The following ADAD1 variants were observed in gnomAD, a reference collection of about 807,000 sequenced individuals.
ADAD1 encodes the protein adenosine deaminase domain-containing protein 1.
A neutral mutation model predicts 66.8 loss-of-function variants in ADAD1; 46 were observed. That is an observed-to-expected ratio of 0.69 (90% CI 0.54 to 0.88). ADAD1 has a LOEUF of 0.88. Among genes scored for constraint, ADAD1 ranks in the 40% least tolerant of loss-of-function variants. The pLI, the probability that ADAD1 is intolerant of heterozygous loss-of-function variation, is 0.00. For missense variants in ADAD1, 617 were observed against 681.8 expected (o/e 0.91, Z 1.06); for synonymous variants, 248 against 229.4 (o/e 1.08, Z -0.73).
intron 10 of ADAD1, among the ~76,000 whole-genome samples, chr4:122,414,427 A>G (rs1397112302): frequency 6.6e-6 from 1 of 151,840 alleles, no homozygotes; most frequent in Non-Finnish European, 1.5e-5. Flanking sequence ...GTGCCCAAGT[A>G]TATTTTTATT....
intron 9 of ADAD1, 65 bp from the exon 10 acceptor site, chr4:122,412,515 T>TA: frequency 7.6e-7 from 1 of 1,315,586 alleles, no homozygotes; most frequent in Non-Finnish European, 1.1e-6. Flanking sequence ...AGCTGTTAGG[T>TA]ACAGGTAGAT....
At chr4:122,396,145 G>A in intron 6 of ADAD1, 107 bp from the exon 7 acceptor site, 4 of 967,950 alleles carry the variant, frequency 4.1e-6, no homozygotes, top group East Asian at 6.7e-5. Context: ...GCTTACAGAT[G>A]TCTATATATT....
At position 122,412,358 on chromosome 4, in the gene ADAD1, ATC is replaced by A. The variant is rs1188770986; in HGVS notation, c.1020-218_1020-217del. Among the ~76,000 whole-genome samples, 13 of 152,264 alleles carry A rather than the reference ATC, an allele frequency of 8.5e-5. 1 individual carries two copies. The highest frequency in any genetic ancestry group is 1.5e-5 in the Non-Finnish European group (1 of 68,000). The stretch of plus-strand genomic sequence containing the variant: ...ATAAAGTGGTGATAATATGAAAAAT[ATC>A]TCTGTTGGAAGCTCTAGATGTGGTT... On this transcript the variant is annotated intron_variant, in intron 9 of 12. Transcript: ENST00000296513.
chr4:122,392,829 G>A (rs1795514959), intron 5 of ADAD1, among the ~76,000 whole-genome samples: 1 of 152,150 alleles, frequency 6.6e-6, no homozygotes. Context: ...CAGCGTCTAT[G>A]TATCTAAACC....
rs1796283409 is a variant in ADAD1 at position 122,407,765 on chromosome 4, CTTATT to C, written c.725-139_725-135del. ...TTGCTTCTTAGAAGACTCTAAGACT[CTTATT>C]TTAAATTGTGGAATTATTTTTTCAT... is the stretch of plus-strand genomic sequence containing the variant. On this transcript the variant is annotated intron_variant, in intron 7 of 12. Transcript: ENST00000296513. 1.4e-5 allele frequency: 13 copies of C among 949,736 alleles called. No homozygotes were observed. The East Asian group carries it at 2.8e-4, about 20-fold the overall frequency. 58.8% of individuals were successfully genotyped at this position (949,736 alleles called of 1,614,324 possible). A position where few individuals can be genotyped will look rare whatever the true frequency, so the allele number is the denominator to read the frequency against.
At chr4:122,427,069 T>C (rs1797273496) in intron 12 of ADAD1, among the ~76,000 whole-genome samples, 1 of 152,222 alleles carries the variant, frequency 6.6e-6, no homozygotes, top group Admixed American at 6.5e-5. Context: ...TGTATCATCT[T>C]GTAGGTAAAA....
chr4:122,422,504 A>G (rs1797048093), intron 12 of ADAD1, among the ~76,000 whole-genome samples: 1 of 152,238 alleles, frequency 6.6e-6, no homozygotes, highest in East Asian at 1.9e-4. Context: ...ATAATGATAC[A>G]GCATTATATG....
Position 122,395,567 on chromosome 4 carries a change from A to G in ADAD1, c.599-685A>G, listed in dbSNP as rs111692778. Among the ~76,000 whole-genome samples, 664 of 151,880 alleles carry G rather than the reference A, an allele frequency of 4.4e-3. 5 individuals are homozygous for G. Among genetic ancestry groups the G allele is most frequent in the African/African-American group, 0.015 (625 of 41,452 alleles). ...ATGGTGGCGCACGCTTGTAGTCCCA[A>G]CTACTTGGGAGGCTGAGACAGAAGA... On this transcript the variant is annotated intron_variant, in intron 6 of 12. Transcript: ENST00000296513.
At position 122,381,161 on chromosome 4, in the gene ADAD1, TAAGG is replaced by T. The variant is rs1313576755; in HGVS notation, c.345_348del (p.Glu116LeufsTer2). 1 of 1,561,680 alleles carries T rather than the reference TAAGG, an allele frequency of 6.4e-7. No homozygotes were observed. Among genetic ancestry groups the T allele is most frequent in the Non-Finnish European group, 8.6e-7 (1 of 1,165,490 alleles). ...AAATGCAGCGAGTTCAGCTTGACCTTAAGGAAACTGTGACAACAGGCAAGTGTAA... is the reference window on the plus strand; with the variant it reads ...AAATGCAGCGAGTTCAGCTTGACCTTAAACTGTGACAACAGGCAAGTGTAA... On this transcript the variant is annotated frameshift_variant, in exon 4 of 13. Transcript: ENST00000296513. LOFTEE classifies it high-confidence loss of function.
In ADAD1 at chr4:122,407,889, G is replaced by A. The variant is rs777778746; in HGVS notation, c.725-19G>A. ...AGAGAGGTTAAATTAACCTGCTACTGTCTACCTTTTTCTTTCAGCTGGACA... is the reference window on the plus strand; with the variant it reads ...AGAGAGGTTAAATTAACCTGCTACTATCTACCTTTTTCTTTCAGCTGGACA... On this transcript the variant is annotated intron_variant, in intron 7 of 12. Transcript: ENST00000296513. 1.5e-5 allele frequency: 24 copies of A among 1,610,952 alleles called. No homozygotes were observed. Among genetic ancestry groups the A allele is most frequent in the Non-Finnish European group, 2.0e-5 (23 of 1,178,298 alleles).
At chr4:122,428,964 T>C (rs1198687712) in intron 12 of ADAD1, among the ~76,000 whole-genome samples, 1 of 152,154 alleles carries the variant, frequency 6.6e-6, no homozygotes, top group Non-Finnish European at 1.5e-5. Flanking sequence ...TTATAAAAAA[T>C]GAAAATTCGC....
intron 7 of ADAD1, among the ~76,000 whole-genome samples, chr4:122,396,975 G>A (rs893485034): frequency 1.3e-5 from 2 of 152,146 alleles, no homozygotes; most frequent in Non-Finnish European, 2.9e-5. Context: ...CAAAAAGTGT[G>A]TGAGAATTCA....
intron 10 of ADAD1, among the ~76,000 whole-genome samples, chr4:122,413,447 T>C (rs1244675300): frequency 2.0e-5 from 3 of 152,144 alleles, no homozygotes; most frequent in Non-Finnish European, 4.4e-5. Context: ...ATTCTCTTTC[T>C]TGACTATTAA....
At chr4:122,389,132 T>A (rs1214144619) in intron 5 of ADAD1, among the ~76,000 whole-genome samples, 1 of 152,154 alleles carries the variant, frequency 6.6e-6, no homozygotes, top group Non-Finnish European at 1.5e-5. Context: ...TACCCAGGAG[T>A]CATTCAGGAA....
chr4:122,387,363 G>T (rs539347026), intron 5 of ADAD1, among the ~76,000 whole-genome samples: 142 of 152,242 alleles, frequency 9.3e-4, no homozygotes, highest in Non-Finnish European at 1.7e-3. Flanking sequence ...GTAAAGGAAT[G>T]CTTGTGATTT....
intron 7 of ADAD1, among the ~76,000 whole-genome samples, chr4:122,397,846 A>G (rs947709362): frequency 1.3e-5 from 2 of 152,218 alleles, no homozygotes; most frequent in African/African-American, 2.4e-5. Flanking sequence ...GAAGAAGAGC[A>G]TGGATAAGAA....
chr4:122,383,461 T>G (rs986378002), intron 4 of ADAD1, among the ~76,000 whole-genome samples: 3 of 151,612 alleles, frequency 2.0e-5, no homozygotes, highest in African/African-American at 7.2e-5. Context: ...ACATTTTATC[T>G]CTCACTAGCC....
At chr4:122,419,764 T>G (rs1796920757) in intron 11 of ADAD1, among the ~76,000 whole-genome samples, 1 of 152,192 alleles carries the variant, frequency 6.6e-6, no homozygotes, top group South Asian at 2.1e-4. Context: ...GTCATATTAA[T>G]TAATCTAGGG....
chr4:122,412,667 T>C lies in ADAD1; in HGVS notation c.1107T>C (p.Thr369=), dbSNP rs145288021. ...CTGTTGAAGGCAAAATTTATCTGAC[T>C]GTTTACTGTCCTAAAGATGGTGTTA... is the stretch of plus-strand genomic sequence containing the variant. ...HVAVEGKIYL[T]VYCPKDGVNR... is the part of the protein sequence containing the mutation. The change falls in exon 10 of 13, where the codon ACT becomes ACC. Residue 369 remains threonine (T), a synonymous_variant. Coordinates refer to ENST00000296513, the MANE Select transcript of ADAD1 (RefSeq NM_139243.4). 6.0e-5 allele frequency: 97 copies of C among 1,613,936 alleles called. No homozygotes were observed. In the African/African-American group the frequency reaches 1.0e-3, roughly 17 times the overall value.
Sources: gnomAD v4.1 joint callset for allele counts (sites outside exome capture counted in the v4.1 genomes callset) on GRCh38, gnomAD v4.1.1 for gene constraint, MANE v1.5 for transcripts, NCBI Gene and HGNC (gene_info 2026-07-23, HGNC 2026-07-21) for gene names.